ZFYVE26: variants seen among roughly 807,000 people sequenced by gnomAD.
ZFYVE26 encodes zinc finger FYVE domain-containing protein 26.
ZFYVE26 carries 181 observed loss-of-function variants against 276.5 expected under a neutral mutation model. The ratio of observed to expected loss-of-function variants is 0.65; its 90% CI spans 0.58 to 0.74. ZFYVE26 has a LOEUF of 0.74. Among genes scored for constraint, ZFYVE26 ranks in the 30% least tolerant of loss-of-function variants. The probability of loss-of-function intolerance (pLI) is 0.00; values close to 1 mark genes in which losing one functional copy is unlikely to be tolerated. For missense variants in ZFYVE26, 2,821 were observed against 3,097.9 expected (o/e 0.91, Z 2.12); for synonymous variants, 1,129 against 1,203.1 (o/e 0.94, Z 1.27).
intron 15 of ZFYVE26, 101 bp from the exon 16 acceptor site, chr14:67,789,699 C>T: frequency 6.8e-7 from 1 of 1,462,008 alleles, no homozygotes; most frequent in Non-Finnish European, 9.5e-7. Context: ...TGAGGTTCAT[C>T]TGCACAGGGT....
At chr14:67,768,674 G>T in intron 29 of ZFYVE26, 126 bp from the exon 30 acceptor site, 1 of 912,314 alleles carries the variant, frequency 1.1e-6, no homozygotes, top group Non-Finnish European at 1.8e-6. Flanking sequence ...GGGTAGAATT[G>T]TTGAATGAAA....
chr14:67,801,742 T>C (rs1246018767), intron 10 of ZFYVE26, among the ~76,000 whole-genome samples: 3 of 152,226 alleles, frequency 2.0e-5, no homozygotes, highest in Admixed American at 2.0e-4. Context: ...ATATATCACA[T>C]ATATACACAT....
chr14:67,762,971 C>G, intron 32 of ZFYVE26, 152 bp from the exon 33 acceptor site: 1 of 1,078,096 alleles, frequency 9.3e-7, no homozygotes, highest in Non-Finnish European at 1.4e-6. Flanking sequence ...GGTCCGATCT[C>G]GGCTCACTGC....
chr14:67,799,296 C>A (rs1025939432), intron 10 of ZFYVE26: 67 of 1,613,226 alleles, frequency 4.2e-5, no homozygotes, highest in Non-Finnish European at 5.5e-5. Flanking sequence ...ACAGAGGAAC[C>A]CAGGATAAGG....
rs1431349744 is a variant in ZFYVE26 at position 67,750,828 on chromosome 14, A to G, written c.7416+224T>C. 10 of 624,172 alleles carry G rather than the reference A, an allele frequency of 1.6e-5. No individual in the cohort carries two copies. In the Admixed American group the frequency reaches 1.8e-4, roughly 11 times the overall value. 38.7% of individuals were successfully genotyped at this position (624,172 alleles called of 1,614,324 possible). ...CCTAGGACATGTTTGTCTTGGGGATAAAGACTTGGGAAGGCAAAGACGCAT... is the reference window on the plus strand; with the variant it reads ...CCTAGGACATGTTTGTCTTGGGGATGAAGACTTGGGAAGGCAAAGACGCAT... On this transcript the variant is annotated intron_variant, in intron 41 of 41. Transcript: ENST00000347230.
intron 13 of ZFYVE26, among the ~76,000 whole-genome samples, chr14:67,736,899 TG>T (rs2038359024): frequency 6.6e-6 from 1 of 151,886 alleles, no homozygotes; most frequent in Non-Finnish European, 1.5e-5. Flanking sequence ...GGAGCTGAGC[TG>T]TCTTGAATTG....
At chr14:67,787,040 G>C (rs2039677038) in intron 16 of ZFYVE26, among the ~76,000 whole-genome samples, 1 of 152,208 alleles carries the variant, frequency 6.6e-6, no homozygotes, top group Non-Finnish European at 1.5e-5. Flanking sequence ...ACCAGAGGCT[G>C]GGAAGGTAGT....
chr14:67,784,275 G>T, intron 20 of ZFYVE26, 59 bp downstream of exon 20: 1 of 1,431,012 alleles, frequency 7.0e-7, no homozygotes, highest in Non-Finnish European at 9.9e-7. Context: ...TGAGCCCTTG[G>T]CTATATTGAT....
rs1442699861 is a variant in ZFYVE26, at chr14:67,798,241, C to A, written c.2021G>T (p.Gly674Val). 1.9e-6 allele frequency: 3 copies of A among 1,614,172 alleles called. No homozygotes were observed. Among genetic ancestry groups the A allele is most frequent in the Non-Finnish European group, 2.5e-6 (3 of 1,180,030 alleles). ...SFLDLKHFTS[G>V]ISGFLADEFA... is the part of the protein sequence containing the mutation. ...TTCATCAGCCAGAAATCCACTGATA[C>A]CACTAGTAAAGTGTTTTAAGTCCAA... Residue 674 changes from glycine to valine, a missense_variant, in exon 11 of 42, where the codon GGT becomes GTT. Coordinates refer to ENST00000347230, the MANE Select transcript of ZFYVE26 (RefSeq NM_015346.4).
chr14:67,814,091 TAA>T (rs781518664), intron 2 of ZFYVE26, 27 bp from the exon 3 acceptor site: 90 of 1,565,978 alleles, frequency 5.7e-5, no homozygotes, highest in Non-Finnish European at 7.4e-5. Context: ...GAAAGACTTG[TAA>T]AAAAGAGTTT....
rs117134735 is a variant in ZFYVE26, at chr14:67,759,971, C to T, written c.6588+1395G>A. Among the ~76,000 whole-genome samples, 482 of 152,252 alleles carry T rather than the reference C, an allele frequency of 3.2e-3. 16 individuals are homozygous for T. In the East Asian group the frequency reaches 0.079, roughly 25 times the overall value. On this transcript the variant is annotated intron_variant, in intron 35 of 41. Transcript: ENST00000347230. ...TGTAATTTTCACAATGTCTTTTCTC[C>T]TCTCCCTACCTGCTTGAGAATAAAT...
At chr14:67,729,868 C>T (rs2038246160) in intron 13 of ZFYVE26, 1 of 453,678 alleles carries the variant, frequency 2.2e-6, no homozygotes, top group African/African-American at 2.0e-5. Flanking sequence ...TTATCATGAA[C>T]TCAATGAGCA....
chr14:67,767,820 C>G lies in ZFYVE26; in HGVS notation c.5674G>C (p.Glu1892Gln). ...KPEALDSSKN[E>Q]SPPYSFVVRV... ...ACCACAAACGAGTATGGAGGGCTTTCATTCTTGGAGCTGTCTAGAGCTGAG... is the reference window on the plus strand; with the variant it reads ...ACCACAAACGAGTATGGAGGGCTTTGATTCTTGGAGCTGTCTAGAGCTGAG... Residue 1892 changes from glutamate (E) to glutamine (Q), a missense_variant, in exon 31 of 42, where the codon GAA becomes CAA. Transcript: ENST00000347230. 1 of 1,614,184 alleles carries G rather than the reference C, an allele frequency of 6.2e-7. No homozygotes were observed.
chr14:67,799,337 G>A (rs1387394895), intron 10 of ZFYVE26: 3 of 1,611,742 alleles, frequency 1.9e-6, no homozygotes, highest in South Asian at 1.1e-5. Flanking sequence ...TGACGCCAGA[G>A]CGGTGCAATC....
At chr14:67,790,478 C>G (rs1271316000) in intron 15 of ZFYVE26, 94 bp downstream of exon 15, 7 of 1,349,800 alleles carry the variant, frequency 5.2e-6, no homozygotes, top group Non-Finnish European at 7.4e-6. Flanking sequence ...TTTCTGCTCA[C>G]CCTCATGAGG....
In ZFYVE26 at chr14:67,747,182, C is replaced by T. The variant is rs2038505549; in HGVS notation, c.*1254G>A. On this transcript the variant is annotated 3_prime_UTR_variant, in exon 42 of 42. Transcript: ENST00000347230. ...AATTGAAGTCACTGAGTATGACACA[C>T]CTTTTCTCAAACATTGTCACATCTT... 6.6e-6 allele frequency: 1 copy of T among 152,514 alleles called. No individual in the cohort carries two copies. The highest frequency in any genetic ancestry group is 2.4e-5 in the African/African-American group (1 of 41,432). 9.4% of individuals were successfully genotyped at this position (152,514 alleles called of 1,614,324 possible). A position where few individuals can be genotyped will look rare whatever the true frequency, so the allele number is the denominator to read the frequency against.
intron 4 of ZFYVE26, among the ~76,000 whole-genome samples, chr14:67,808,536 T>C (rs145643965): frequency 6.6e-4 from 101 of 152,108 alleles, no homozygotes; most frequent in African/African-American, 2.1e-3. Flanking sequence ...GAGCCTATCC[T>C]CTGTTTGCAG....
At chr14:67,779,902 C>T (rs990272637) in intron 23 of ZFYVE26, among the ~76,000 whole-genome samples, 3 of 152,034 alleles carry the variant, frequency 2.0e-5, no homozygotes, top group East Asian at 3.9e-4. Flanking sequence ...GACAGAGTCT[C>T]GCTCTGTCGT....
At chr14:67,758,713 G>A (rs1038354314) in intron 35 of ZFYVE26, among the ~76,000 whole-genome samples, 4 of 152,082 alleles carry the variant, frequency 2.6e-5, no homozygotes, top group Non-Finnish European at 4.4e-5. Flanking sequence ...TTGGCTCACT[G>A]CAACCTCTGC....
Sources: allele counts gnomAD v4.1 joint callset (sites outside exome capture counted in the v4.1 genomes callset), GRCh38; gene constraint gnomAD v4.1.1; transcripts MANE v1.5; gene names NCBI Gene and HGNC (gene_info 2026-07-23, HGNC 2026-07-21).